Variants in VPS13C observed in about 807,000 individuals in gnomAD.
VPS13C encodes the protein intermembrane lipid transfer protein VPS13C.
A neutral mutation model predicts 456.8 loss-of-function variants in VPS13C; 358 were observed. The ratio of observed to expected loss-of-function variants is 0.78; its 90% confidence interval spans 0.72 to 0.86. The LOEUF is 0.86. Ranked by LOEUF, VPS13C falls within the 40% of genes least tolerant of loss-of-function variation. The pLI is 0.00. For synonymous variants in VPS13C, 1,578 were observed against 1,486.7 expected (o/e 1.06, Z -1.41); for missense variants, 4,818 against 4,385.4 (o/e 1.10, Z -2.79).
At chr15:61,894,983 C>G (rs2042763989) in intron 66 of VPS13C, among the ~76,000 whole-genome samples, 1 of 152,040 alleles carries the variant, frequency 6.6e-6, no homozygotes, top group African/African-American at 2.4e-5. Context: ...CAAAACAAGT[C>G]TCAAAAAATT....
chr15:61,980,708 T>G (rs1433006257), intron 22 of VPS13C, among the ~76,000 whole-genome samples: 1 of 152,132 alleles, frequency 6.6e-6, no homozygotes, highest in Non-Finnish European at 1.5e-5. Context: ...TACAATGACA[T>G]GATTAAATTC....
rs1332870875 is a variant in VPS13C at position 61,947,283 on chromosome 15, C to T, written c.4786G>A (p.Val1596Met). 1 of 1,608,576 alleles carries T rather than the reference C, an allele frequency of 6.2e-7. No homozygotes were observed. Among genetic ancestry groups the T allele is most frequent in the Admixed American group, 1.7e-5 (1 of 58,838 alleles). The change falls in exon 43 of 85, where the codon GTG becomes ATG. Residue 1596 changes from valine (V) to methionine (M), a missense_variant. Transcript: ENST00000644861. ...TCAGCTGTGATCTTTAAATCAAACA[C>T]ATCCTTTTGGGAAATGTTGCTGGAT... Reference protein sequence around the residue: ...AVSSNISQKDVFDLKITAELN... With the variant: ...AVSSNISQKDMFDLKITAELN...
At position 62,021,293 on chromosome 15, in the gene VPS13C, A is replaced by AT. The variant is rs2047451909; in HGVS notation, c.625-756dup. ...GCACTTGTACTCCTTAAATTTACAC[A>AT]TTTTAAAAAAAAGGCTTTCATACTT... On this transcript the variant is annotated intron_variant, in intron 8 of 84. Coordinates refer to ENST00000644861, the MANE Select transcript of VPS13C (RefSeq NM_020821.3). Among the ~76,000 whole-genome samples the AT allele has an allele frequency of 1.3e-5, 2 of 151,970 alleles. 1 individual carries two copies. The highest frequency in any genetic ancestry group is 4.1e-4 in the South Asian group (2 of 4,830).
At chr15:61,920,797 T>G (rs1211346875) in intron 55 of VPS13C, 150 bp from the exon 56 acceptor site, 2 of 635,848 alleles carry the variant, frequency 3.1e-6, no homozygotes, top group Non-Finnish European at 4.8e-6. Flanking sequence ...TTCACTTTGA[T>G]TTCATGGAGT....
rs1428195302 is a variant in VPS13C, at chr15:61,856,367, C to T, written c.10995G>A (p.Met3665Ile). The T allele has an allele frequency of 2.5e-6, 4 of 1,613,316 alleles. No homozygotes were observed. In the East Asian group the frequency reaches 6.7e-5, roughly 27 times the overall value. ...CAAATGGACATTGCCAGTCTACACA[C>T]ATAAGGCCCAGGATTTCAACTTCCT... ...CIKEVEILGL[M>I]CVDWQCPFED... Residue 3665 changes from methionine to isoleucine, a missense_variant, in exon 83 of 85, where the codon ATG becomes ATA. By Grantham distance (10) the Met-to-Ile change is conservative (BLOSUM62 1). Transcript: ENST00000644861.
At chr15:61,942,608 T>C (rs987877180) in intron 45 of VPS13C, among the ~76,000 whole-genome samples, 2 of 151,000 alleles carry the variant, frequency 1.3e-5, no homozygotes, top group African/African-American at 4.9e-5. Context: ...AATCCTGTAA[T>C]CATTAGTAAG....
intron 15 of VPS13C, among the ~76,000 whole-genome samples, chr15:62,001,554 A>G (rs920062293): frequency 6.6e-6 from 1 of 152,086 alleles, no homozygotes; most frequent in Non-Finnish European, 1.5e-5. Flanking sequence ...GTTTTAGGGT[A>G]CATGTGCACA....
rs1369218415 is a variant in VPS13C, at chr15:61,863,495, G to A, written c.10897C>T (p.Arg3633Ter). 9.9e-6 allele frequency: 16 copies of A among 1,612,452 alleles called. No individual in the cohort carries two copies. The highest frequency in any genetic ancestry group is 2.2e-5 in the South Asian group (2 of 90,922). The change falls in exon 82 of 85, where the codon CGA becomes TGA. Residue 3633 changes from arginine to a stop codon, truncating the protein, a stop_gained. Transcript: ENST00000644861. LOFTEE classifies it high-confidence loss of function. ...CTTCCAGGAATAGCACAGTGGTATC[G>A]GTAAGTCTCTCCTTCCAACTTTTTG... ...HIKKLEGETY[R>*]YHCAIPGSKK...
In VPS13C at chr15:61,867,680, G is replaced by A; in HGVS notation, c.10863+979C>T. The A allele has an allele frequency of 7.7e-7, 1 of 1,301,906 alleles. No individual in the cohort carries two copies. Among genetic ancestry groups the A allele is most frequent in the Non-Finnish European group, 9.8e-7 (1 of 1,024,624 alleles). 80.6% of individuals were successfully genotyped at this position (1,301,906 alleles called of 1,614,324 possible). A position where few individuals can be genotyped will look rare whatever the true frequency, so the allele number is the denominator to read the frequency against. On this transcript the variant is annotated intron_variant, in intron 81 of 84. Transcript: ENST00000644861. The surrounding 1 kb of genome is among the most constrained non-coding windows in gnomAD (Gnocchi z 5.0). ...TAAAGGCTTTCATCTATTAAACGCA[G>A]AAGAGAGCTGATTCTCTGCATCCTT...
intron 66 of VPS13C, among the ~76,000 whole-genome samples, chr15:61,891,841 A>C (rs2042661765): frequency 6.6e-6 from 1 of 152,232 alleles, no homozygotes; most frequent in Admixed American, 6.5e-5. Flanking sequence ...CCAAACATAA[A>C]CTTCTAGTGC....
At chr15:61,936,065 C>A (rs2044217530) in intron 48 of VPS13C, among the ~76,000 whole-genome samples, 1 of 151,800 alleles carries the variant, frequency 6.6e-6, no homozygotes, top group Non-Finnish European at 1.5e-5. Flanking sequence ...AAAAAGAAAC[C>A]TTGTATTTTA....
intron 1 of VPS13C, among the ~76,000 whole-genome samples, chr15:62,046,967 T>C (rs188102115): frequency 6.6e-6 from 1 of 152,258 alleles, no homozygotes; most frequent in African/African-American, 2.4e-5. Flanking sequence ...TTTCTAGTTT[T>C]TATAATAATT....
At chr15:62,032,294 G>A (rs1269175582) in intron 5 of VPS13C, among the ~76,000 whole-genome samples, 3 of 151,534 alleles carry the variant, frequency 2.0e-5, no homozygotes, top group African/African-American at 4.8e-5. Context: ...AACCATTCTT[G>A]GCTTGCTTTT....
At chr15:61,970,495 TA>T (rs1299564928) in intron 27 of VPS13C, among the ~76,000 whole-genome samples, 2 of 152,146 alleles carry the variant, frequency 1.3e-5, no homozygotes, top group Non-Finnish European at 2.9e-5. Context: ...GGTAACACTT[TA>T]AAAATACTTA....
chr15:62,058,096 A>AT (rs2048860044), intron 1 of VPS13C, among the ~76,000 whole-genome samples: 2 of 152,200 alleles, frequency 1.3e-5, no homozygotes, highest in African/African-American at 2.4e-5. Flanking sequence ...ATTTAAAAAT[A>AT]TTTTTTCTAT....
At position 61,962,502 on chromosome 15, in the gene VPS13C, T is replaced by C; in HGVS notation, c.3472A>G (p.Asn1158Asp). The C allele has an allele frequency of 6.2e-7, 1 of 1,610,376 alleles. No homozygotes were observed. Among genetic ancestry groups the C allele is most frequent in the Non-Finnish European group, 8.5e-7 (1 of 1,177,750 alleles). ...GTAGCATCTGGATACAAATCCAAAT[T>C]AAAACGGAAAACTTCATTTCCCATT... is the stretch of plus-strand genomic sequence containing the variant. Reference protein sequence around the residue: ...SIMGNEVFRFNLDLYPDATEG... With the variant: ...SIMGNEVFRFDLDLYPDATEG... Residue 1158 changes from asparagine to aspartate, a missense_variant, in exon 34 of 85, where the codon AAT becomes GAT. Transcript: ENST00000644861.
In VPS13C at chr15:61,941,870, A is replaced by T. The variant is rs1286531961; in HGVS notation, c.5346T>A (p.Gly1782=). ...VSPNAVIADL[G]LIRVENKFSL... is the part of the protein sequence containing the mutation. The stretch of plus-strand genomic sequence containing the variant: ...TAAACTTGTTTTCAACTCTGATTAA[A>T]CCCAGATCTGCTATAACAGCATTAG... The change falls in exon 46 of 85, where the codon GGT becomes GGA. Residue 1782 remains glycine, a synonymous_variant. Transcript: ENST00000644861. 1 of 1,614,012 alleles carries T rather than the reference A, an allele frequency of 6.2e-7. No individual in the cohort carries two copies. The highest frequency in any genetic ancestry group is 2.2e-5 in the East Asian group (1 of 44,854).
chr15:61,996,955 C>T (rs2046404711), intron 16 of VPS13C, among the ~76,000 whole-genome samples: 1 of 148,864 alleles, frequency 6.7e-6, no homozygotes, highest in Middle Eastern at 3.5e-3. Context: ...ATATCTTATA[C>T]ATATGGCTGT....
In VPS13C at chr15:62,007,378, C is replaced by A; in HGVS notation, c.1220G>T (p.Ser407Ile). ...NIKKHRQLLK[S>I]YKIAYKNKLT... ...CTTGTTTTTGTAGGCAATTTTATAA[C>A]TCTTGAGTAACTGCCTGTGCTTTTT... The change falls in exon 15 of 85, where the codon AGT becomes ATT. Residue 407 changes from serine to isoleucine, a missense_variant. By Grantham distance (142) the Ser-to-Ile change is moderately radical. Transcript: ENST00000644861. 6.2e-7 allele frequency: 1 copy of A among 1,613,084 alleles called. No individual in the cohort carries two copies. The highest frequency in any genetic ancestry group is 8.5e-7 in the Non-Finnish European group (1 of 1,179,568).
Sources: gnomAD v4.1 joint callset for allele counts (sites outside exome capture counted in the v4.1 genomes callset) on GRCh38, gnomAD v4.1.1 for gene constraint, Gnocchi (gnomAD v3.1) non-coding constraint, MANE v1.5 for transcripts, NCBI Gene and HGNC (gene_info 2026-07-23, HGNC 2026-07-21) for gene names.